Variants in RGPD2 observed in about 807,000 individuals in gnomAD.
RGPD2 encodes RANBP2-like and GRIP domain-containing protein 2.
RGPD2 carries 2 observed loss-of-function variants against 36.0 expected under a neutral mutation model. The ratio of observed to expected loss-of-function variants is 0.06; its 90% confidence interval spans 0.02 to 0.17. The LOEUF (loss-of-function observed/expected upper bound fraction) is 0.17, where lower values mean the gene tolerates loss of function less well. RGPD2 is among the 10% of genes least tolerant of loss of function. The pLI, the probability that RGPD2 is intolerant of heterozygous loss-of-function variation, is 1.00. For missense variants in RGPD2, 40 were observed against 464.3 expected, an observed-to-expected ratio of 0.09 and a Z score of 8.40; for synonymous variants, 19 against 163.8, an observed-to-expected ratio of 0.12 and a Z score of 6.75.
the RGPD2 span, among the ~76,000 whole-genome samples, chr2:87,877,877 G>A: frequency 4.8e-5 from 7 of 144,886 alleles, no homozygotes; most frequent in East Asian, 1.3e-3. Context: ...GGCTTTTAGA[G>A]TTTCTGCTGA....
rs1684767321 is a variant in RGPD2, at chr2:87,757,146, ATTGTTT to A, written c.*240_*245del. On this transcript the variant is annotated 3_prime_UTR_variant, in exon 23 of 23. Coordinates refer to ENST00000398146, the MANE Select transcript of RGPD2 (RefSeq NM_001078170.3). ...TGCTATGTAATCGTTGTTATACTGT[ATTGTTT>A]TTATTTGTATTATGTTTTATTGTCA... 5 of 199,042 alleles carry A rather than the reference ATTGTTT, an allele frequency of 2.5e-5. No individual in the cohort carries two copies. The South Asian group carries it at 4.6e-4, about 18-fold the overall frequency. 12.3% of individuals were successfully genotyped at this position (199,042 alleles called of 1,614,324 possible).
the RGPD2 span, among the ~76,000 whole-genome samples, chr2:87,933,561 A>G: frequency 1.3e-5 from 2 of 150,320 alleles, no homozygotes; most frequent in African/African-American, 4.9e-5. Context: ...TCAATTCTTT[A>G]GGAAGAAATC....
At chr2:87,759,339 G>A (rs1684849281) in intron 22 of RGPD2, among the ~76,000 whole-genome samples, 2 of 26,114 alleles carry the variant, frequency 7.7e-5, no homozygotes, top group Admixed American at 9.3e-4. Flanking sequence ...TTATTAAAAT[G>A]TTACATCAAC....
the RGPD2 span, among the ~76,000 whole-genome samples, chr2:87,984,967 G>T: frequency 2.2e-4 from 32 of 146,954 alleles, no homozygotes; most frequent in African/African-American, 7.0e-4. Flanking sequence ...GGTGTGCAAG[G>T]CTAAAACATA....
chr2:87,971,765 A>T, the RGPD2 span, among the ~76,000 whole-genome samples: 1 of 152,172 alleles, frequency 6.6e-6, no homozygotes, highest in Non-Finnish European at 1.5e-5. Context: ...CTGAAGTAAT[A>T]ATGTTAAGCT....
chr2:87,952,388 C>T, the RGPD2 span, among the ~76,000 whole-genome samples: 2 of 151,964 alleles, frequency 1.3e-5, no homozygotes, highest in Admixed American at 6.5e-5. Flanking sequence ...ATGTGGTTTA[C>T]AATGATAAGC....
At chr2:87,927,665 A>T in the RGPD2 span, among the ~76,000 whole-genome samples, 1 of 151,712 alleles carries the variant, frequency 6.6e-6, no homozygotes, top group Non-Finnish European at 1.5e-5. Context: ...GTTACAGTTT[A>T]TAGTATCATG....
the RGPD2 span, among the ~76,000 whole-genome samples, chr2:87,864,921 A>T: frequency 6.6e-6 from 1 of 152,212 alleles, no homozygotes; most frequent in Admixed American, 6.5e-5. Context: ...TCTTCCTCTT[A>T]AAAGAATCTT....
chr2:87,988,542 T>TATATATATATA, the RGPD2 span, among the ~76,000 whole-genome samples: 465 of 37,436 alleles, frequency 0.012, 14 homozygotes, highest in Middle Eastern at 0.037. Flanking sequence ...TATATATATA[T>TATATATATATA]TTTTTTTTTT....
chr2:87,882,363 C>T, the RGPD2 span, among the ~76,000 whole-genome samples: 1 of 152,208 alleles, frequency 6.6e-6, no homozygotes, highest in African/African-American at 2.4e-5. Context: ...ATTATCCTTT[C>T]TCCAATGTGG....
At chr2:87,978,916 C>T in the RGPD2 span, among the ~76,000 whole-genome samples, 215 of 124,326 alleles carry the variant, frequency 1.7e-3, no homozygotes, top group Non-Finnish European at 3.1e-3. Context: ...CACCCCGTCT[C>T]TTAAAAAAAA....
chr2:87,965,052 C>T, the RGPD2 span, among the ~76,000 whole-genome samples: 45 of 149,482 alleles, frequency 3.0e-4, no homozygotes, highest in Middle Eastern at 3.6e-3. Context: ...GGAAGAACCA[C>T]CTGACATGAG....
the RGPD2 span, among the ~76,000 whole-genome samples, chr2:87,979,231 CCCCCT>C: frequency 4.6e-4 from 1 of 2,188 alleles, no homozygotes; most frequent in Admixed American, 7.2e-3. Context: ...AAGACTCTGT[CCCCCT>C]CCCCCAAAAA....
At chr2:87,933,598 T>G in the RGPD2 span, among the ~76,000 whole-genome samples, 8 of 149,864 alleles carry the variant, frequency 5.3e-5, no homozygotes, top group East Asian at 1.6e-3. Context: ...TTCTTTGTAA[T>G]GAGATATTTA....
chr2:87,966,408 G>A, the RGPD2 span, among the ~76,000 whole-genome samples: 2 of 148,074 alleles, frequency 1.4e-5, no homozygotes, highest in Non-Finnish European at 3.0e-5. Context: ...ACAGGACTAA[G>A]GGATGGTGAA....
the RGPD2 span, among the ~76,000 whole-genome samples, chr2:87,916,881 C>T: frequency 6.6e-6 from 1 of 151,544 alleles, no homozygotes; most frequent in African/African-American, 2.4e-5. Flanking sequence ...AACGGATGAA[C>T]GAGTGAAATA....
At chr2:87,876,416 T>C in the RGPD2 span, among the ~76,000 whole-genome samples, 25 of 152,234 alleles carry the variant, frequency 1.6e-4, no homozygotes, top group African/African-American at 5.3e-4. Context: ...CCAGAAATTC[T>C]AGTACATTGT....
the RGPD2 span, among the ~76,000 whole-genome samples, chr2:87,966,635 T>C: frequency 2.0e-5 from 3 of 152,272 alleles, no homozygotes; most frequent in African/African-American, 7.2e-5. Context: ...TAGAACTTAA[T>C]GCCTAGAACT....
upstream of RGPD2, among the ~76,000 whole-genome samples, chr2:87,826,987 CA>C (rs1290664817): frequency 2.2e-5 from 3 of 137,850 alleles, no homozygotes; most frequent in Non-Finnish European, 4.7e-5. Flanking sequence ...ATGATGCTTG[CA>C]GGGATTAAAG....
Sources: gnomAD v4.1 joint callset for allele counts (sites outside exome capture counted in the v4.1 genomes callset) on GRCh38, gnomAD v4.1.1 for gene constraint, MANE v1.5 for transcripts, NCBI Gene and HGNC (gene_info 2026-07-23, HGNC 2026-07-21) for gene names.